Variants in TINAG observed in about 807,000 individuals in gnomAD.
TINAG encodes tubulointerstitial nephritis antigen.
TINAG carries 83 observed loss-of-function variants against 72.7 expected under a neutral mutation model. The ratio of observed to expected loss-of-function variants is 1.14; its 90% confidence interval spans 0.96 to 1.37. The LOEUF is 1.37. TINAG is among the 40% of genes most tolerant of loss of function. The probability of loss-of-function intolerance (pLI) is 0.00; values close to 1 mark genes in which losing one functional copy is unlikely to be tolerated. For synonymous variants in TINAG, 234 were observed against 189.9 expected, an observed-to-expected ratio of 1.23 and a Z score of -1.91; for missense variants, 685 against 576.6, an observed-to-expected ratio of 1.19 and a Z score of -1.93.
At chr6:54,347,908 G>A (rs1385944539) in intron 6 of TINAG, among the ~76,000 whole-genome samples, 1 of 151,958 alleles carries the variant, frequency 6.6e-6, no homozygotes, top group East Asian at 1.9e-4. Flanking sequence ...GTAAAATTAG[G>A]CTAAACATAA....
chr6:54,368,278 CAT>C (rs1215716842), intron 9 of TINAG, among the ~76,000 whole-genome samples: 4 of 146,462 alleles, frequency 2.7e-5, no homozygotes, highest in Non-Finnish European at 4.5e-5. Context: ...TTATATATAA[CAT>C]ATTATATAAT....
chr6:54,312,134 G>T (rs1784273447), intron 1 of TINAG, among the ~76,000 whole-genome samples: 1 of 151,750 alleles, frequency 6.6e-6, no homozygotes. Flanking sequence ...ATGGCTCACT[G>T]CAGCCTCGAC....
rs1278138616 is a variant in TINAG at position 54,326,929 on chromosome 6, T to A, written c.624+13T>A. 6.2e-7 allele frequency: 1 copy of A among 1,613,102 alleles called. No homozygotes were observed. Among genetic ancestry groups the A allele is most frequent in the African/African-American group, 1.3e-5 (1 of 74,888 alleles). The stretch of plus-strand genomic sequence containing the variant: ...GAATGAAATGACAGTAAGTGTTCCT[T>A]CTGATTCACGTATGTGCATGTATTT... On this transcript the variant is annotated intron_variant, in intron 4 of 10. Transcript: ENST00000259782.
At chr6:54,363,598 CA>C (rs1374741859) in intron 9 of TINAG, among the ~76,000 whole-genome samples, 1 of 105,356 alleles carries the variant, frequency 9.5e-6, no homozygotes, top group Non-Finnish European at 1.9e-5. Flanking sequence ...GTTTTTGAGA[CA>C]AAAAAGTGCC....
intron 9 of TINAG, among the ~76,000 whole-genome samples, chr6:54,378,337 C>T (rs1273620026): frequency 1.3e-5 from 2 of 152,122 alleles, no homozygotes; most frequent in Non-Finnish European, 2.9e-5. Flanking sequence ...ATTGGTTTGG[C>T]TGCCCATTTT....
intron 4 of TINAG, among the ~76,000 whole-genome samples, chr6:54,339,140 C>T (rs74664320): frequency 0.049 from 7,504 of 152,180 alleles, 275 homozygotes; most frequent in Non-Finnish European, 0.076. Flanking sequence ...GCCCTAGCAA[C>T]TTTAATGGCA....
At chr6:54,364,671 G>T (rs1763351224) in intron 9 of TINAG, among the ~76,000 whole-genome samples, 1 of 151,228 alleles carries the variant, frequency 6.6e-6, no homozygotes, top group Non-Finnish European at 1.5e-5. Flanking sequence ...TACAGGTTAA[G>T]AATACAGTTT....
At chr6:54,343,105 T>A in intron 4 of TINAG, 121 bp from the exon 5 acceptor site, 1 of 888,828 alleles carries the variant, frequency 1.1e-6, no homozygotes, top group Non-Finnish European at 1.5e-6. Flanking sequence ...GTAGTTCATC[T>A]GGAAACTTGG....
chr6:54,368,424 G>T (rs902126069), intron 9 of TINAG, among the ~76,000 whole-genome samples: 2 of 149,442 alleles, frequency 1.3e-5, no homozygotes, highest in Non-Finnish European at 3.0e-5. Flanking sequence ...TCAAAAGTAT[G>T]CCTGAAAGAT....
chr6:54,354,181 T>C (rs2150962551), intron 8 of TINAG, among the ~76,000 whole-genome samples: 1 of 152,026 alleles, frequency 6.6e-6, no homozygotes, highest in Non-Finnish European at 1.5e-5. Context: ...ACAAGGTTAG[T>C]GGAGAAATAG....
intron 9 of TINAG, among the ~76,000 whole-genome samples, chr6:54,370,368 T>C (rs889740440): frequency 3.3e-5 from 5 of 152,024 alleles, no homozygotes; most frequent in Non-Finnish European, 7.4e-5. Context: ...GGCTGTTATG[T>C]TGAATGACTT....
chr6:54,343,633 G>A (rs562510930), intron 5 of TINAG, among the ~76,000 whole-genome samples: 1 of 151,022 alleles, frequency 6.6e-6, no homozygotes, highest in Non-Finnish European at 1.5e-5. Context: ...CAGAGTTAAG[G>A]CCAAATAATA....
chr6:54,316,572 C>A lies in TINAG; in HGVS notation c.356-4007C>A, dbSNP rs570756118. Among the ~76,000 whole-genome samples, 8 of 152,190 alleles carry A rather than the reference C, an allele frequency of 5.3e-5. No individual in the cohort carries two copies. In the South Asian group the frequency reaches 1.4e-3, roughly 28 times the overall value. Reference sequence around the variant, plus strand: ...GATTCCTGATTAGAGCAAGCAACTGCCTTTACTTTAGTGAAGTTTAGACCA... The same window carrying A: ...GATTCCTGATTAGAGCAAGCAACTGACTTTACTTTAGTGAAGTTTAGACCA... On this transcript the variant is annotated intron_variant, in intron 1 of 10. Coordinates refer to ENST00000259782, the MANE Select transcript of TINAG (RefSeq NM_014464.4).
At chr6:54,315,514 TA>T (rs1027377299) in intron 1 of TINAG, among the ~76,000 whole-genome samples, 1 of 150,532 alleles carries the variant, frequency 6.6e-6, no homozygotes, top group African/African-American at 2.4e-5. Context: ...CCAACAACAA[TA>T]AAAAAAATAA....
At chr6:54,330,273 A>G (rs1353157357) in intron 4 of TINAG, among the ~76,000 whole-genome samples, 1 of 151,634 alleles carries the variant, frequency 6.6e-6, no homozygotes, top group East Asian at 1.9e-4. Flanking sequence ...CAAACAGTCT[A>G]TCAGATTAGA....
intron 9 of TINAG, among the ~76,000 whole-genome samples, chr6:54,372,753 TATATATATATATATATATACAC>T (rs1225120018): frequency 3.3e-3 from 77 of 23,322 alleles, no homozygotes; most frequent in African/African-American, 0.011. Context: ...TATATATATA[TATATATATATATATATATACAC>T]ACACACACAC....
At chr6:54,333,566 T>C (rs964611626) in intron 4 of TINAG, among the ~76,000 whole-genome samples, 2 of 151,158 alleles carry the variant, frequency 1.3e-5, no homozygotes, top group South Asian at 4.2e-4. Flanking sequence ...TGTATACCTT[T>C]GTAACAAACC....
chr6:54,351,310 T>C, intron 7 of TINAG, 42 bp from the exon 8 acceptor site: 1 of 1,552,568 alleles, frequency 6.4e-7, no homozygotes. Context: ...TTTAGTATGC[T>C]CTGATAACAA....
At chr6:54,331,496 A>G (rs12663455) in intron 4 of TINAG, among the ~76,000 whole-genome samples, 18,176 of 152,256 alleles carry the variant, frequency 0.12, 1,262 homozygotes, top group African/African-American at 0.18. Context: ...CCCACAGCCA[A>G]TATCATACTG....
Sources: gnomAD v4.1 joint callset for allele counts (sites outside exome capture counted in the v4.1 genomes callset) on GRCh38, gnomAD v4.1.1 for gene constraint, MANE v1.5 for transcripts, NCBI Gene and HGNC (gene_info 2026-07-23, HGNC 2026-07-21) for gene names.